The following INPP4B variants were observed in gnomAD, a reference collection of about 807,000 sequenced individuals.
INPP4B encodes inositol polyphosphate-4-phosphatase type II B.
INPP4B carries 55 observed loss-of-function variants against 122.5 expected under a neutral mutation model. The ratio of observed to expected loss-of-function variants is 0.45; its 90% CI spans 0.36 to 0.56. The LOEUF (loss-of-function observed/expected upper bound fraction) is 0.56, where lower values mean the gene tolerates loss of function less well. Ranked by LOEUF, INPP4B falls within the 20% of genes least tolerant of loss-of-function variation. INPP4B has a pLI of 0.00. For missense variants in INPP4B, 1,000 were observed against 1,097.7 expected, an observed-to-expected ratio of 0.91 and a Z score of 1.26; for synonymous variants, 403 against 388.7, an observed-to-expected ratio of 1.04 and a Z score of -0.43.
At chr4:142,047,339 A>G (rs531697654) in intron 25 of INPP4B, among the ~76,000 whole-genome samples, 1 of 152,206 alleles carries the variant, frequency 6.6e-6, no homozygotes, top group South Asian at 2.1e-4. Flanking sequence ...GACATTTTAT[A>G]TCGACTATTC....
At position 142,238,007 on chromosome 4, in the gene INPP4B, T is replaced by C; in HGVS notation, c.693A>G (p.Leu231=). Residue 231 remains leucine, a synonymous_variant, in exon 12 of 26, where the codon TTA becomes TTG. Coordinates refer to ENST00000262992, the MANE Select transcript of INPP4B (RefSeq NM_001101669.3). ...TATATAATTTACATACTGGGTTCTT[T>C]AACACTGGAAAAAAAAAGAAAAAAT... ...KDNLPFLNSV[L]KNPVCKLYRF... 6.7e-7 allele frequency: 1 copy of C among 1,494,686 alleles called. No homozygotes were observed. The highest frequency in any genetic ancestry group is 9.2e-7 in the Non-Finnish European group (1 of 1,089,658). 92.6% of individuals were successfully genotyped at this position (1,494,686 alleles called of 1,614,324 possible).
intron 2 of INPP4B, among the ~76,000 whole-genome samples, chr4:142,702,866 T>C (rs1056615897): frequency 1.1e-4 from 16 of 152,196 alleles, no homozygotes; most frequent in African/African-American, 3.6e-4. Flanking sequence ...ATTTTGCTGC[T>C]GACTACATCT....
Position 142,429,221 on chromosome 4 carries a change from TA to T in INPP4B, c.92-5del. On this transcript the variant is annotated splice_region_variant and splice_polypyrimidine_tract_variant and intron_variant, in intron 4 of 25. Coordinates refer to ENST00000262992, the MANE Select transcript of INPP4B (RefSeq NM_001101669.3). Reference sequence around the variant, plus strand: ...TCATTTGGAGTCTTCTGGATACCTATAAATAATAGGAGCAAATTCAGATTTT... The same window carrying T: ...TCATTTGGAGTCTTCTGGATACCTATAATAATAGGAGCAAATTCAGATTTT... 1 of 1,528,848 alleles carries T rather than the reference TA, an allele frequency of 6.5e-7. No individual in the cohort carries two copies. Among genetic ancestry groups the T allele is most frequent in the Non-Finnish European group, 9.0e-7 (1 of 1,111,854 alleles). 94.7% of individuals were successfully genotyped at this position (1,528,848 alleles called of 1,614,324 possible). A position where few individuals can be genotyped will look rare whatever the true frequency, so the allele number is the denominator to read the frequency against.
chr4:142,576,409 T>C (rs535732765), intron 2 of INPP4B, among the ~76,000 whole-genome samples: 1 of 152,158 alleles, frequency 6.6e-6, no homozygotes, highest in South Asian at 2.1e-4. Flanking sequence ...ATCATAGATA[T>C]GTCTTTCTAC....
At chr4:142,328,090 C>T (rs1458672666) in intron 7 of INPP4B, among the ~76,000 whole-genome samples, 5 of 152,106 alleles carry the variant, frequency 3.3e-5, no homozygotes, top group African/African-American at 1.2e-4. Flanking sequence ...CTCTAAGAAA[C>T]ACTGTTTTGC....
intron 2 of INPP4B, among the ~76,000 whole-genome samples, chr4:142,485,519 T>C (rs953131392): frequency 8.5e-5 from 13 of 152,140 alleles, no homozygotes; most frequent in African/African-American, 3.1e-4. Context: ...TCTACTTTGA[T>C]CTTCAGGACA....
intron 9 of INPP4B, among the ~76,000 whole-genome samples, chr4:142,273,908 G>A (rs1331778833): frequency 6.6e-6 from 1 of 151,778 alleles, no homozygotes; most frequent in East Asian, 1.9e-4. Flanking sequence ...CCCTGTCACT[G>A]AACTAGAATG....
rs184977521 is a variant in INPP4B at position 142,727,124 on chromosome 4, T to C, written c.-253-1223A>G. 5.9e-5 allele frequency among the ~76,000 whole-genome samples: 9 copies of C among 152,350 alleles called. No homozygotes were observed. In the East Asian group the frequency reaches 7.7e-4, roughly 13 times the overall value. The stretch of plus-strand genomic sequence containing the variant: ...ATTTATTAATTAGACTCTGTGATGA[T>C]GAAGGAAGAAAGAGTCCTTCTGGGT... On this transcript the variant is annotated intron_variant, in intron 1 of 25. Coordinates refer to ENST00000262992, the MANE Select transcript of INPP4B (RefSeq NM_001101669.3).
At position 142,159,151 on chromosome 4, in the gene INPP4B, A is replaced by T. The variant is rs1818762333; in HGVS notation, c.1563+1207T>A. 2.0e-5 allele frequency among the ~76,000 whole-genome samples: 3 copies of T among 152,022 alleles called. No homozygotes were observed. The South Asian group carries it at 6.2e-4, about 32-fold the overall frequency. On this transcript the variant is annotated intron_variant, in intron 17 of 25. Transcript: ENST00000262992. ...ATGGAGCATTGTAACATGGTAAATC[A>T]TTGATTTCATGACCACTCTAAGAGC...
intron 9 of INPP4B, among the ~76,000 whole-genome samples, chr4:142,305,205 T>C (rs1762891585): frequency 6.6e-6 from 1 of 152,196 alleles, no homozygotes; most frequent in Admixed American, 6.6e-5. Flanking sequence ...TCAAAGAATT[T>C]CATCACTTTA....
intron 25 of INPP4B, among the ~76,000 whole-genome samples, chr4:142,061,486 C>T (rs1445258984): frequency 1.3e-5 from 2 of 152,122 alleles, no homozygotes; most frequent in East Asian, 3.9e-4. Flanking sequence ...AAACTTGTGA[C>T]ATTTTATTAC....
At chr4:142,282,195 A>G (rs1429275785) in intron 9 of INPP4B, among the ~76,000 whole-genome samples, 1 of 152,008 alleles carries the variant, frequency 6.6e-6, no homozygotes, top group African/African-American at 2.4e-5. Context: ...TTGAACACAC[A>G]CCTAAAGTGT....
intron 2 of INPP4B, among the ~76,000 whole-genome samples, chr4:142,558,759 C>G (rs1443973090): frequency 8.2e-6 from 1 of 122,518 alleles, no homozygotes; most frequent in Admixed American, 1.0e-4. Context: ...CACGCCATTG[C>G]ACTACAGCCT....
rs756745855 is a variant in INPP4B, at chr4:142,238,016, A to G, written c.689-5T>C. ...TACATACTGGGTTCTTTAACACTGGAAAAAAAAAGAAAAAATAATAGTTAA... is the reference window on the plus strand; with the variant it reads ...TACATACTGGGTTCTTTAACACTGGGAAAAAAAAGAAAAAATAATAGTTAA... On this transcript the variant is annotated splice_region_variant and splice_polypyrimidine_tract_variant and intron_variant, in intron 11 of 25. Coordinates refer to ENST00000262992, the MANE Select transcript of INPP4B (RefSeq NM_001101669.3). 6.0e-6 allele frequency: 8 copies of G among 1,342,358 alleles called. No homozygotes were observed. Among genetic ancestry groups the G allele is most frequent in the South Asian group, 1.4e-5 (1 of 69,766 alleles). 83.2% of individuals were successfully genotyped at this position (1,342,358 alleles called of 1,614,324 possible). A position where few individuals can be genotyped will look rare whatever the true frequency, so the allele number is the denominator to read the frequency against.
chr4:142,523,076 C>T (rs1158563464), intron 2 of INPP4B, among the ~76,000 whole-genome samples: 1 of 152,068 alleles, frequency 6.6e-6, no homozygotes, highest in African/African-American at 2.4e-5. Flanking sequence ...TGATTCCAAG[C>T]TGTGGTTTGG....
chr4:142,750,916 G>A (rs1031291534), intron 1 of INPP4B, among the ~76,000 whole-genome samples: 2 of 152,050 alleles, frequency 1.3e-5, no homozygotes, highest in Non-Finnish European at 2.9e-5. Context: ...CTAGAAACAG[G>A]TAGACTAAAT....
intron 8 of INPP4B, among the ~76,000 whole-genome samples, chr4:142,312,922 CT>C (rs1766092865): frequency 1.3e-5 from 2 of 152,124 alleles, no homozygotes; most frequent in Non-Finnish European, 2.9e-5. Flanking sequence ...GTAAGAAAAC[CT>C]TGCCCTCACC....
At chr4:142,096,956 A>G (rs191669791) in intron 23 of INPP4B, among the ~76,000 whole-genome samples, 1 of 152,220 alleles carries the variant, frequency 6.6e-6, no homozygotes, top group East Asian at 1.9e-4. Context: ...AGTCCCTCAT[A>G]GCAAATGATG....
chr4:142,412,843 C>T (rs923337876), intron 5 of INPP4B, among the ~76,000 whole-genome samples: 6 of 152,050 alleles, frequency 3.9e-5, no homozygotes, highest in African/African-American at 1.4e-4. Context: ...CATATTTCCT[C>T]TCCAACATAT....
Sources: allele counts gnomAD v4.1 joint callset (sites outside exome capture counted in the v4.1 genomes callset), GRCh38; gene constraint gnomAD v4.1.1; transcripts MANE v1.5; gene names NCBI Gene and HGNC (gene_info 2026-07-23, HGNC 2026-07-21).